DNAH5: variants seen among roughly 807,000 people sequenced by gnomAD.
DNAH5 encodes the protein axonemal beta dynein heavy chain 5.
A neutral mutation model predicts 518.2 loss-of-function variants in DNAH5; 372 were observed. That is an observed-to-expected ratio of 0.72 (90% CI 0.66 to 0.78). The LOEUF is 0.78. Ranked by LOEUF, DNAH5 falls within the 30% of genes least tolerant of loss-of-function variation. The pLI, the probability that DNAH5 is intolerant of heterozygous loss-of-function variation, is 0.00. For missense variants in DNAH5, 5,523 were observed against 5,687.0 expected (o/e 0.97, Z 0.93); for synonymous variants, 2,039 against 2,025.9 (o/e 1.01, Z -0.17).
intron 1 of DNAH5, among the ~76,000 whole-genome samples, chr5:13,939,171 C>T (rs923008523): frequency 3.9e-5 from 6 of 152,160 alleles, no homozygotes; most frequent in African/African-American, 1.2e-4. Context: ...GTGTCAACAA[C>T]AGGCCCTGGC....
At chr5:13,920,809 C>T (rs1777175337) in intron 5 of DNAH5, among the ~76,000 whole-genome samples, 192 bp from the exon 6 acceptor site, 1 of 152,118 alleles carries the variant, frequency 6.6e-6, no homozygotes, top group East Asian at 1.9e-4. Flanking sequence ...CAACACTTCC[C>T]TGTGATCCTA....
At position 13,882,933 on chromosome 5, in the gene DNAH5, T is replaced by C. The variant is rs1173828939; in HGVS notation, c.3145A>G (p.Arg1049Gly). 1 of 1,614,078 alleles carries C rather than the reference T, an allele frequency of 6.2e-7. No homozygotes were observed. Among genetic ancestry groups the C allele is most frequent in the Non-Finnish European group, 8.5e-7 (1 of 1,180,020 alleles). The stretch of plus-strand genomic sequence containing the variant: ...GACAACAGTTCACTGCTCCACTGTC[T>C]GACCCCCTTAGGGACACTGATGATG... ...ECIISVPKGV[R>G]QWSSELLSKK... Residue 1049 changes from arginine to glycine, a missense_variant, in exon 20 of 79, where the codon AGA becomes GGA. Physicochemically the swap from Arg to Gly is moderately radical, Grantham distance 125. This residue lies in a region of DNAH5 where 5,121 missense variants were observed against 5,223.3 expected (regional missense o/e 0.98). Transcript: ENST00000265104.
intron 65 of DNAH5, among the ~76,000 whole-genome samples, chr5:13,737,919 T>C (rs1747797293): frequency 6.6e-6 from 1 of 151,932 alleles, no homozygotes; most frequent in Non-Finnish European, 1.5e-5. Context: ...AAAAATTATC[T>C]GGGCATGGTG....
chr5:13,842,167 G>A (rs1765273391), intron 32 of DNAH5, among the ~76,000 whole-genome samples: 1 of 151,824 alleles, frequency 6.6e-6, no homozygotes, highest in Non-Finnish European at 1.5e-5. Context: ...ATCACCTGAG[G>A]TCTGGAGTTC....
chr5:13,843,518 A>C (rs1217442335), intron 32 of DNAH5, among the ~76,000 whole-genome samples: 1 of 152,186 alleles, frequency 6.6e-6, no homozygotes, highest in East Asian at 1.9e-4. Flanking sequence ...ATTTGGGAAT[A>C]GCATCTTTGC....
chr5:13,734,998 T>A (rs2126605608), intron 68 of DNAH5, 133 bp downstream of exon 68: 1 of 810,772 alleles, frequency 1.2e-6, no homozygotes, highest in East Asian at 2.7e-5. Flanking sequence ...AAAGAACAAA[T>A]AAAATATCTC....
intron 43 of DNAH5, 84 bp from the exon 44 acceptor site, chr5:13,811,907 A>G (rs1437956268): frequency 1.7e-6 from 2 of 1,189,542 alleles, no homozygotes; most frequent in Non-Finnish European, 2.5e-6. Context: ...TTTTAAAAGT[A>G]TCTGTTAATA....
At chr5:13,853,599 C>G (rs1211124713) in intron 30 of DNAH5, among the ~76,000 whole-genome samples, 1 of 151,706 alleles carries the variant, frequency 6.6e-6, no homozygotes, top group Non-Finnish European at 1.5e-5. Flanking sequence ...TGTTCTAACC[C>G]AATATAAGGA....
At chr5:13,854,782 A>G (rs910913083) in intron 30 of DNAH5, among the ~76,000 whole-genome samples, 3 of 152,358 alleles carry the variant, frequency 2.0e-5, no homozygotes, top group Non-Finnish European at 2.9e-5. Context: ...AGGGTATTAC[A>G]TAATGGTAAA....
intron 3 of DNAH5, among the ~76,000 whole-genome samples, chr5:13,927,309 T>G (rs1180102042): frequency 1.3e-5 from 2 of 152,066 alleles, no homozygotes; most frequent in Non-Finnish European, 2.9e-5. Context: ...CTAGCCAACA[T>G]GCTGAAACCC....
chr5:13,954,773 C>T (rs558689352), intron 1 of DNAH5, among the ~76,000 whole-genome samples: 97 of 152,292 alleles, frequency 6.4e-4, no homozygotes, highest in African/African-American at 2.3e-3. Flanking sequence ...GCGTTGATCT[C>T]GCTGCTACTT....
intron 76 of DNAH5, 39 bp downstream of exon 76, chr5:13,708,084 A>G (rs758544540): frequency 9.4e-6 from 15 of 1,595,996 alleles, no homozygotes; most frequent in Middle Eastern, 1.7e-4. Context: ...CTTCACAATC[A>G]TAAGTGAACA....
At chr5:13,880,808 A>G (rs1771556458) in intron 21 of DNAH5, among the ~76,000 whole-genome samples, 1 of 151,992 alleles carries the variant, frequency 6.6e-6, no homozygotes, top group African/African-American at 2.4e-5. Context: ...ACAAAAAGGC[A>G]AGAGTAAGTC....
chr5:13,806,950 G>A (rs1162852216), intron 47 of DNAH5, among the ~76,000 whole-genome samples: 5 of 152,168 alleles, frequency 3.3e-5, no homozygotes, highest in African/African-American at 1.2e-4. Context: ...TTAAGTCGGG[G>A]AACAAGATTA....
intron 78 of DNAH5, among the ~76,000 whole-genome samples, chr5:13,694,419 A>T (rs1741090775): frequency 6.6e-6 from 1 of 152,210 alleles, no homozygotes; most frequent in South Asian, 2.1e-4. Context: ...GATGATTCGA[A>T]ACCATCCCCC....
chr5:13,893,661 T>C (rs748796671), intron 16 of DNAH5, among the ~76,000 whole-genome samples: 6 of 152,168 alleles, frequency 3.9e-5, no homozygotes, highest in Admixed American at 6.5e-5. Flanking sequence ...AGGTCCTTTG[T>C]AGTCTGTTTG....
intron 47 of DNAH5, among the ~76,000 whole-genome samples, chr5:13,795,378 A>G (rs1046673695): frequency 2.6e-5 from 4 of 152,218 alleles, no homozygotes; most frequent in Non-Finnish European, 4.4e-5. Flanking sequence ...ATCACCACCG[A>G]TCCCACAGAA....
rs114498881 is a variant in DNAH5, at chr5:13,777,043, C to T, written c.9105+159G>A. On this transcript the variant is annotated intron_variant, in intron 54 of 78. Coordinates refer to ENST00000265104, the MANE Select transcript of DNAH5 (RefSeq NM_001369.3). ...CCAAATTTTGATGGAGAGTTTTATT[C>T]TTCAAAAACCCAATAGAAAAACCCA... 0.017 allele frequency among the ~76,000 whole-genome samples: 2,516 copies of T among 152,046 alleles called. 76 individuals carry two copies. Among genetic ancestry groups the T allele is most frequent in the African/African-American group, 0.058 (2,395 of 41,460 alleles).
At chr5:13,806,576 T>G (rs1257161771) in intron 47 of DNAH5, among the ~76,000 whole-genome samples, 1 of 152,234 alleles carries the variant, frequency 6.6e-6, no homozygotes, top group Non-Finnish European at 1.5e-5. Context: ...GGATTTGTGT[T>G]CCCCTAAAAA....
Sources: allele counts gnomAD v4.1 joint callset (sites outside exome capture counted in the v4.1 genomes callset), GRCh38; gene constraint gnomAD v4.1.1; regional missense constraint gnomAD v4.1.1; transcripts MANE v1.5; gene names NCBI Gene and HGNC (gene_info 2026-07-23, HGNC 2026-07-21).